The following TPP2 variants were observed in gnomAD, a reference collection of about 807,000 sequenced individuals.
TPP2 encodes the protein tripeptidyl peptidase 2, also known as tripeptidyl-peptidase 2.
In TPP2, 34 loss-of-function variants were observed where a neutral mutation model predicts 155.9. That is an observed-to-expected ratio of 0.22 (90% CI 0.17 to 0.29). TPP2 has a LOEUF of 0.29. Among genes scored for constraint, TPP2 ranks in the 10% least tolerant of loss-of-function variants. The pLI, the probability that TPP2 is intolerant of heterozygous loss-of-function variation, is 1.00. For missense variants in TPP2, 1,028 were observed against 1,522.3 expected, an observed-to-expected ratio of 0.68 and a Z score of 5.40; for synonymous variants, 510 against 529.4, an observed-to-expected ratio of 0.96 and a Z score of 0.50.
chr13:102,625,625 A>G (rs141094014), intron 6 of TPP2, among the ~76,000 whole-genome samples: 5 of 152,168 alleles, frequency 3.3e-5, no homozygotes, highest in Non-Finnish European at 7.3e-5. Flanking sequence ...TGAAGGAAAA[A>G]ATCACATTAA....
chr13:102,641,179 A>G (rs1181827375), intron 16 of TPP2, among the ~76,000 whole-genome samples: 2 of 152,178 alleles, frequency 1.3e-5, no homozygotes, highest in African/African-American at 2.4e-5. Flanking sequence ...TCTTTTTTAC[A>G]AGAGCTGTGG....
intron 9 of TPP2, among the ~76,000 whole-genome samples, 190 bp downstream of exon 9, chr13:102,629,799 T>G (rs777709632): frequency 3.9e-5 from 6 of 152,176 alleles, no homozygotes; most frequent in Non-Finnish European, 5.9e-5. Context: ...TGGACTGAAA[T>G]AAGTGGTTTC....
intron 27 of TPP2, among the ~76,000 whole-genome samples, chr13:102,669,395 G>C (rs1884821072): frequency 6.6e-6 from 1 of 152,124 alleles, no homozygotes; most frequent in Admixed American, 6.6e-5. Flanking sequence ...GGCATAAGCT[G>C]GACCAATATC....
chr13:102,660,595 C>G (rs1884145110), intron 25 of TPP2, among the ~76,000 whole-genome samples: 1 of 152,088 alleles, frequency 6.6e-6, no homozygotes, highest in Non-Finnish European at 1.5e-5. Context: ...AGTTGAATCC[C>G]CATCAGGATC....
Position 102,661,138 on chromosome 13 carries a change from A to G in TPP2, c.3144-2510A>G, listed in dbSNP as rs540132938. 7.2e-5 allele frequency among the ~76,000 whole-genome samples: 11 copies of G among 152,290 alleles called. No individual in the cohort carries two copies. In the East Asian group the frequency reaches 1.9e-3, roughly 27 times the overall value. ...AATAGATAATTTGGACTTAATCAAG[A>G]TTAAAAGCTTTTGTGCTTTTAGCAT... On this transcript the variant is annotated intron_variant, in intron 25 of 29. Coordinates refer to ENST00000376052, the MANE Select transcript of TPP2 (RefSeq NM_001330588.2).
rs774222139 is a variant in TPP2, at chr13:102,657,127, A to C, written c.3063A>C (p.Glu1021Asp). The change falls in exon 25 of 30, where the codon GAA becomes GAC. Residue 1021 changes from glutamate to aspartate, a missense_variant. Coordinates refer to ENST00000376052, the MANE Select transcript of TPP2 (RefSeq NM_001330588.2). ...TKTKNGSKDK[E>D]KDSEKEKDLK... ...CTAAGAATGGCAGCAAAGATAAGGA[A>C]AAAGATTCAGAAAAAGAGAAAGATT... 1 of 1,590,414 alleles carries C rather than the reference A, an allele frequency of 6.3e-7. No individual in the cohort carries two copies. Among genetic ancestry groups the C allele is most frequent in the Non-Finnish European group, 8.5e-7 (1 of 1,172,398 alleles).
intron 4 of TPP2, among the ~76,000 whole-genome samples, chr13:102,617,415 T>C (rs1366359526): frequency 6.6e-6 from 1 of 152,208 alleles, no homozygotes; most frequent in East Asian, 1.9e-4. Flanking sequence ...TTAAAAGTAA[T>C]TAAGTTTTCC....
intron 11 of TPP2, 106 bp downstream of exon 11, chr13:102,634,204 A>C: frequency 6.8e-7 from 1 of 1,461,826 alleles, no homozygotes; most frequent in African/African-American, 1.4e-5. Context: ...CCCTGGGCAC[A>C]AAGTAGAGTT....
intron 1 of TPP2, among the ~76,000 whole-genome samples, chr13:102,602,650 C>T (rs896131713): frequency 2.6e-5 from 4 of 152,140 alleles, no homozygotes; most frequent in African/African-American, 7.2e-5. Flanking sequence ...TTCTCCACAT[C>T]GAGAATTTCC....
At chr13:102,653,910 A>G (rs959089090) in intron 24 of TPP2, among the ~76,000 whole-genome samples, 5 of 152,206 alleles carry the variant, frequency 3.3e-5, no homozygotes, top group African/African-American at 9.6e-5. Flanking sequence ...GACTTTCTGA[A>G]TAACACTGTT....
At chr13:102,612,715 G>A (rs1300009796) in intron 2 of TPP2, among the ~76,000 whole-genome samples, 1 of 152,146 alleles carries the variant, frequency 6.6e-6, no homozygotes, top group East Asian at 1.9e-4. Flanking sequence ...GATTTGAGAA[G>A]TATCTGGTTC....
chr13:102,671,877 G>T (rs1300127310), intron 27 of TPP2, among the ~76,000 whole-genome samples: 1 of 151,750 alleles, frequency 6.6e-6, no homozygotes, highest in Non-Finnish European at 1.5e-5. Flanking sequence ...GCGAAACCGA[G>T]CCTCCACTAG....
chr13:102,601,654 C>T (rs1879439747), intron 1 of TPP2, among the ~76,000 whole-genome samples: 2 of 152,172 alleles, frequency 1.3e-5, no homozygotes, highest in Admixed American at 1.3e-4. Flanking sequence ...CCATGTGAAG[C>T]CTCCCCCTTC....
chr13:102,644,611 G>A lies in TPP2; in HGVS notation c.2230G>A (p.Val744Ile), dbSNP rs1882981500. The A allele has an allele frequency of 7.4e-6, 12 of 1,613,112 alleles. No homozygotes were observed. The highest frequency in any genetic ancestry group is 1.3e-5 in the African/African-American group (1 of 74,912). The change falls in exon 18 of 30, where the codon GTC becomes ATC. Residue 744 changes from valine (V) to isoleucine (I), a missense_variant. Val to Ile is a conservative substitution (Grantham distance 29). Coordinates refer to ENST00000376052, the MANE Select transcript of TPP2 (RefSeq NM_001330588.2). ...IARWWASLSD[V>I]NIDYTISFHG... ...TCGTTGGTGGGCAAGTCTCAGTGAT[G>A]TCAACATTGATTATACCATTTCTTT...
intron 2 of TPP2, among the ~76,000 whole-genome samples, chr13:102,610,891 G>A (rs539858351): frequency 3.2e-4 from 49 of 152,152 alleles, no homozygotes; most frequent in African/African-American, 1.1e-3. Context: ...GAGTATTGCC[G>A]TACATCAGAA....
intron 6 of TPP2, among the ~76,000 whole-genome samples, chr13:102,625,867 C>G (rs577085918): frequency 6.6e-6 from 1 of 152,164 alleles, no homozygotes; most frequent in Non-Finnish European, 1.5e-5. Context: ...TATCATTGTG[C>G]TTGTATTATT....
In TPP2 at chr13:102,643,239, T is replaced by C. The variant is rs758991864; in HGVS notation, c.2038T>C (p.Cys680Arg). The C allele has an allele frequency of 1.9e-6, 3 of 1,603,216 alleles. No homozygotes were observed. The highest frequency in any genetic ancestry group is 3.5e-5 in the Admixed American group (2 of 57,280). The change falls in exon 17 of 30, where the codon TGT becomes CGT. Residue 680 changes from cysteine to arginine, a missense_variant. Physicochemically the swap from Cys to Arg is radical, Grantham distance 180. This residue lies in a region of TPP2 where 325 missense variants were observed against 463.7 expected (regional missense o/e 0.70). Transcript: ENST00000376052. ...ATWAEVTVCS[C>R]SSEVSAKFVL... is the part of the protein sequence containing the mutation. ...TATTTTAGAAGTGACAGTGTGTTCG[T>C]GTTCTTCTGAGGTGTCAGCAAAGTT...
chr13:102,637,032 A>C, intron 13 of TPP2, 50 bp from the exon 14 acceptor site: 5 of 1,535,240 alleles, frequency 3.3e-6, no homozygotes, highest in Non-Finnish European at 4.4e-6. Flanking sequence ...TTTTAAATGG[A>C]AAAAAGGAAA....
intron 1 of TPP2, among the ~76,000 whole-genome samples, chr13:102,604,070 G>C (rs539597345): frequency 9.9e-5 from 15 of 152,270 alleles, no homozygotes; most frequent in African/African-American, 3.6e-4. Context: ...ACAGCTGGGC[G>C]TGGGGATTCC....
Sources: gnomAD v4.1 joint callset for allele counts (sites outside exome capture counted in the v4.1 genomes callset) on GRCh38, gnomAD v4.1.1 for gene constraint, gnomAD v4.1.1 regional missense constraint, MANE v1.5 for transcripts, NCBI Gene and HGNC (gene_info 2026-07-23, HGNC 2026-07-21) for gene names.